The following ARHGEF3 variants were observed in gnomAD, a reference collection of about 807,000 sequenced individuals.
ARHGEF3 encodes the protein 59.8 kDA protein.
A neutral mutation model predicts 63.2 loss-of-function variants in ARHGEF3; 28 were observed. That is an observed-to-expected ratio of 0.44 (90% CI 0.33 to 0.61). The LOEUF is 0.61. ARHGEF3 is among the 20% of genes least tolerant of loss of function. The pLI is 0.03. For synonymous variants in ARHGEF3, 266 were observed against 254.2 expected, an observed-to-expected ratio of 1.05 and a Z score of -0.44; for missense variants, 533 against 659.3, an observed-to-expected ratio of 0.81 and a Z score of 2.10.
chr3:56,993,746 C>T (rs1701856149), intron 2 of ARHGEF3, among the ~76,000 whole-genome samples: 1 of 150,610 alleles, frequency 6.6e-6, no homozygotes, highest in South Asian at 2.1e-4. Flanking sequence ...ATTCATATCT[C>T]ATTAAAAGGC....
intron 2 of ARHGEF3, among the ~76,000 whole-genome samples, chr3:56,992,402 A>C (rs923476051): frequency 1.6e-3 from 229 of 143,876 alleles, no homozygotes; most frequent in African/African-American, 5.0e-3. Flanking sequence ...AAAAAAAAAA[A>C]AAAAAAAAAA....
chr3:56,943,688 G>C (rs1699304737), intron 3 of ARHGEF3, among the ~76,000 whole-genome samples: 1 of 152,122 alleles, frequency 6.6e-6, no homozygotes, highest in African/African-American at 2.4e-5. Context: ...TACAAGGCAG[G>C]CGAATCACTT....
chr3:56,840,990 G>T (rs963964465), intron 4 of ARHGEF3, among the ~76,000 whole-genome samples: 1 of 152,112 alleles, frequency 6.6e-6, no homozygotes, highest in Non-Finnish European at 1.5e-5. Context: ...ACCAAAGAAA[G>T]CTGTTTGCAC....
chr3:56,921,981 C>T (rs1198939512), intron 3 of ARHGEF3, among the ~76,000 whole-genome samples: 1 of 152,040 alleles, frequency 6.6e-6, no homozygotes, highest in Non-Finnish European at 1.5e-5. Context: ...TGAGCTCTGT[C>T]TTTATTCTCT....
At chr3:56,988,838 T>C (rs1701638722) in intron 2 of ARHGEF3, among the ~76,000 whole-genome samples, 1 of 152,210 alleles carries the variant, frequency 6.6e-6, no homozygotes, top group Admixed American at 6.5e-5. Context: ...GTCTGAATCT[T>C]GTGCTCAGAA....
chr3:56,988,053 C>A (rs1452133667), intron 2 of ARHGEF3, among the ~76,000 whole-genome samples: 1 of 152,136 alleles, frequency 6.6e-6, no homozygotes, highest in Non-Finnish European at 1.5e-5. Flanking sequence ...TCAGCAAGTA[C>A]CTGACCCTCA....
intron 2 of ARHGEF3, among the ~76,000 whole-genome samples, chr3:57,032,794 C>G (rs1020934513): frequency 8.5e-5 from 13 of 152,166 alleles, no homozygotes; most frequent in African/African-American, 2.9e-4. Context: ...GAAGGAGAAG[C>G]AGATGATCCC....
intron 7 of ARHGEF3, among the ~76,000 whole-genome samples, chr3:56,743,067 T>G (rs567956376): frequency 6.6e-6 from 1 of 152,242 alleles, no homozygotes; most frequent in South Asian, 2.1e-4. Flanking sequence ...ACCACACACT[T>G]GCTGGGATGA....
chr3:56,897,864 C>T (rs919722878), intron 3 of ARHGEF3, among the ~76,000 whole-genome samples: 2 of 151,906 alleles, frequency 1.3e-5, no homozygotes, highest in African/African-American at 4.8e-5. Context: ...CATGCCCGGC[C>T]CTATTTTTAT....
chr3:56,990,236 G>A (rs547408804), intron 2 of ARHGEF3, among the ~76,000 whole-genome samples: 1 of 152,334 alleles, frequency 6.6e-6, no homozygotes, highest in South Asian at 2.1e-4. Flanking sequence ...CTGGGGCAAA[G>A]CAAATGGAAG....
intron 4 of ARHGEF3, among the ~76,000 whole-genome samples, chr3:56,868,823 G>C (rs2040341332): frequency 6.6e-6 from 1 of 152,170 alleles, no homozygotes. Context: ...TGGTTAACTT[G>C]TTTCAGAAGC....
chr3:56,830,860 C>T (rs2038908506), intron 4 of ARHGEF3, among the ~76,000 whole-genome samples: 1 of 152,178 alleles, frequency 6.6e-6, no homozygotes, highest in South Asian at 2.1e-4. Flanking sequence ...ATAACCCCTC[C>T]TCAGAGTCTT....
intron 4 of ARHGEF3, among the ~76,000 whole-genome samples, chr3:56,816,704 A>C (rs1183668382): frequency 6.6e-6 from 1 of 152,226 alleles, no homozygotes; most frequent in Non-Finnish European, 1.5e-5. Context: ...GGAGAAACTG[A>C]GGCACAGAGA....
intron 2 of ARHGEF3, among the ~76,000 whole-genome samples, chr3:56,986,453 A>G (rs67574344): frequency 0.13 from 20,292 of 152,216 alleles, 1,669 homozygotes; most frequent in East Asian, 0.35. Context: ...GGGAACTGGG[A>G]TTTGCAGCTG....
chr3:56,752,067 A>T (rs1328772124), intron 4 of ARHGEF3, among the ~76,000 whole-genome samples: 1 of 140,656 alleles, frequency 7.1e-6, no homozygotes, highest in Non-Finnish European at 1.5e-5. Flanking sequence ...ATCTATGTTT[A>T]AAAAATATTT....
At chr3:56,984,362 G>A (rs1194940976) in intron 2 of ARHGEF3, among the ~76,000 whole-genome samples, 1 of 152,154 alleles carries the variant, frequency 6.6e-6, no homozygotes, top group Non-Finnish European at 1.5e-5. Context: ...CCTCAGAGAA[G>A]AGCCCCTCAA....
At chr3:56,995,670 A>G (rs1000900411) in intron 2 of ARHGEF3, among the ~76,000 whole-genome samples, 4 of 132,748 alleles carry the variant, frequency 3.0e-5, no homozygotes, top group Admixed American at 2.3e-4. Flanking sequence ...AGAGAGAGAG[A>G]GAATTTTTTT....
intron 3 of ARHGEF3, among the ~76,000 whole-genome samples, chr3:56,893,634 C>T (rs953196612): frequency 1.4e-4 from 21 of 151,888 alleles, no homozygotes; most frequent in African/African-American, 5.1e-4. Context: ...GGTGAAACCC[C>T]GTCTCTACTA....
At chr3:56,860,855 G>A (rs72624857) in intron 4 of ARHGEF3, among the ~76,000 whole-genome samples, 26,955 of 152,148 alleles carry the variant, frequency 0.18, 3,240 homozygotes, top group East Asian at 0.51. Context: ...AGTTCATTTC[G>A]TGCTCAGAAG....
Sources: gnomAD v4.1 joint callset for allele counts (sites outside exome capture counted in the v4.1 genomes callset) on GRCh38, gnomAD v4.1.1 for gene constraint, MANE v1.5 for transcripts, NCBI Gene and HGNC (gene_info 2026-07-23, HGNC 2026-07-21) for gene names.